The following DUSP12 variants were observed in gnomAD, a reference collection of about 807,000 sequenced individuals.
The protein encoded by DUSP12 is dual specificity phosphatase 12, also known as dual specificity protein phosphatase 12.
A neutral mutation model predicts 38.9 loss-of-function variants in DUSP12; 25 were observed. The observed-to-expected ratio is 0.64, with a 90% CI of 0.47 to 0.90. DUSP12 has a LOEUF of 0.90. DUSP12 is among the 40% of genes least tolerant of loss of function. The pLI is 0.00. For synonymous variants in DUSP12, 153 were observed against 153.9 expected, an observed-to-expected ratio of 0.99 and a Z score of 0.05; for missense variants, 403 against 427.0, an observed-to-expected ratio of 0.94 and a Z score of 0.50.
At chr1:161,756,683 T>C (rs1571103191) in intron 5 of DUSP12, 103 bp from the exon 6 acceptor site, 3 of 1,316,660 alleles carry the variant, frequency 2.3e-6, no homozygotes, top group South Asian at 3.0e-5. Flanking sequence ...AAACTCAACG[T>C]GGGGATCGTG....
In DUSP12 at chr1:161,751,914, A is replaced by G; in HGVS notation, c.507A>G (p.Gly169=). The change falls in exon 3 of 6, where the codon GGA becomes GGG. Residue 169 remains glycine (G), a synonymous_variant. Transcript: ENST00000367943. ...AACTGAAATTATACCAGGCAATGGG[A>G]TACGAAGTGGATACCTCTAGTGCAA... ...EWQLKLYQAM[G]YEVDTSSAIY... The G allele has an allele frequency of 6.2e-7, 1 of 1,613,686 alleles. No individual in the cohort carries two copies. The highest frequency in any genetic ancestry group is 8.5e-7 in the Non-Finnish European group (1 of 1,179,804).
intron 1 of DUSP12, 115 bp downstream of exon 1, chr1:161,750,260 T>G (rs1421572903): frequency 8.7e-7 from 1 of 1,146,360 alleles, no homozygotes; most frequent in Non-Finnish European, 1.2e-6. Context: ...CGCGTGAACC[T>G]CCTCCCGCTG....
intron 5 of DUSP12, among the ~76,000 whole-genome samples, chr1:161,754,319 G>A (rs772647361): frequency 5.3e-5 from 8 of 151,942 alleles, no homozygotes; most frequent in East Asian, 3.9e-4. Flanking sequence ...TCACATTTTC[G>A]GATAATGCTG....
intron 1 of DUSP12, 189 bp from the exon 2 acceptor site, chr1:161,751,479 G>A: frequency 1.5e-6 from 1 of 645,596 alleles, no homozygotes; most frequent in Non-Finnish European, 2.5e-6. Context: ...AGATTCACGT[G>A]GTTCAGAATT....
chr1:161,752,052 CCTTA>C (rs1684030907), intron 3 of DUSP12, 68 bp downstream of exon 3: 3 of 1,058,748 alleles, frequency 2.8e-6, no homozygotes, highest in African/African-American at 1.6e-5. Flanking sequence ...GTATGCTTTA[CCTTA>C]CTTCCAGCAA....
At position 161,753,135 on chromosome 1, in the gene DUSP12, CT is replaced by C. The variant is rs1303553218; in HGVS notation, c.738del (p.Phe246LeufsTer6). On this transcript the variant is annotated frameshift_variant, in exon 5 of 6. Coordinates refer to ENST00000367943, the MANE Select transcript of DUSP12 (RefSeq NM_007240.3). LOFTEE classifies it high-confidence loss of function. ...DHREGSGPIAFAHKRMTPSSM... is the reference protein window; with the variant it reads ...DHREGSGPIAXAHKRMTPSSM... ...ACCGTGAAGGAAGTGGACCTATAGC[CT>C]TTGCCCACAAGAGAATGACACCATC... The C allele has an allele frequency of 3.1e-6, 5 of 1,613,824 alleles. No individual in the cohort carries two copies. The highest frequency in any genetic ancestry group is 4.2e-6 in the Non-Finnish European group (5 of 1,179,938).
Position 161,757,173 on chromosome 1 carries a change from G to T in DUSP12, c.*226G>T. ...TCTTTTATAACCAGATACTGTCTGTGTTTCATATATTTTTAAAAGTTTTGA... is the reference window on the plus strand; with the variant it reads ...TCTTTTATAACCAGATACTGTCTGTTTTTCATATATTTTTAAAAGTTTTGA... On this transcript the variant is annotated 3_prime_UTR_variant, in exon 6 of 6. Transcript: ENST00000367943. 2.9e-6 allele frequency: 1 copy of T among 346,520 alleles called. No individual in the cohort carries two copies. The highest frequency in any genetic ancestry group is 2.1e-5 in the African/African-American group (1 of 48,530). The allele number at this position is 346,520 out of a possible 1,614,324, so 21.5% of individuals were successfully genotyped here.
Position 161,750,087 on chromosome 1 carries a change from C to G in DUSP12, c.286C>G (p.Arg96Gly), listed in dbSNP as rs1393528491. The G allele has an allele frequency of 6.2e-7, 1 of 1,613,936 alleles. No homozygotes were observed. The highest frequency in any genetic ancestry group is 8.5e-7 in the Non-Finnish European group (1 of 1,179,952). Residue 96 changes from arginine to glycine, a missense_variant, in exon 1 of 6, where the codon CGG becomes GGG. Transcript: ENST00000367943. ...GACGGACCTACTCAGCCATCTGGAC[C>G]GGTGCGTGGCCTTCATCGGTCAGGC... ...PETDLLSHLD[R>G]CVAFIGQARA... is the part of the protein sequence containing the mutation.
At chr1:161,754,219 A>G (rs1035601404) in intron 5 of DUSP12, among the ~76,000 whole-genome samples, 1 of 152,234 alleles carries the variant, frequency 6.6e-6, no homozygotes, top group African/African-American at 2.4e-5. Flanking sequence ...GCTTTATAAA[A>G]TAGGTAGAGC....
chr1:161,752,536 C>A, intron 4 of DUSP12, 72 bp downstream of exon 4: 1 of 1,026,712 alleles, frequency 9.7e-7, no homozygotes. Flanking sequence ...GTTTTATTTT[C>A]TTAAATTTCT....
At position 161,752,592 on chromosome 1, in the gene DUSP12, T is replaced by C; in HGVS notation, c.674+128T>C. ...TGAAATTTTTAGTTCAGATCTGTTT[T>C]CAGAAAGAATATAAATTCTTAAAAA... On this transcript the variant is annotated intron_variant, in intron 4 of 5. Transcript: ENST00000367943. 3 of 626,498 alleles carry C rather than the reference T, an allele frequency of 4.8e-6. No individual in the cohort carries two copies. In the South Asian group the frequency reaches 6.9e-5, roughly 15 times the overall value. 38.8% of individuals were successfully genotyped at this position (626,498 alleles called of 1,614,324 possible).
chr1:161,754,865 T>G (rs1684086442), intron 5 of DUSP12, among the ~76,000 whole-genome samples: 1 of 152,132 alleles, frequency 6.6e-6, no homozygotes, highest in South Asian at 2.1e-4. Context: ...AGTTTCACTC[T>G]TGTTGCCCAG....
At chr1:161,755,410 G>A (rs1167987115) in intron 5 of DUSP12, among the ~76,000 whole-genome samples, 2 of 152,048 alleles carry the variant, frequency 1.3e-5, no homozygotes, top group Non-Finnish European at 2.9e-5. Flanking sequence ...AAATATTAGT[G>A]ATATTCCAGG....
In DUSP12 at chr1:161,757,089, C is replaced by A; in HGVS notation, c.*142C>A. 1 of 770,236 alleles carries A rather than the reference C, an allele frequency of 1.3e-6. No homozygotes were observed. The highest frequency in any genetic ancestry group is 2.3e-5 in the South Asian group (1 of 43,306). The allele number at this position is 770,236 out of a possible 1,614,324, so 47.7% of individuals were successfully genotyped here. A position where few individuals can be genotyped will look rare whatever the true frequency, so the allele number is the denominator to read the frequency against. On this transcript the variant is annotated 3_prime_UTR_variant, in exon 6 of 6. Coordinates refer to ENST00000367943, the MANE Select transcript of DUSP12 (RefSeq NM_007240.3). Reference sequence around the variant, plus strand: ...AAAATCACTTGATGTAACCTGGAAACTATGCTTTACATGGCAATCAAAGCC... The same window carrying A: ...AAAATCACTTGATGTAACCTGGAAAATATGCTTTACATGGCAATCAAAGCC...
At position 161,750,036 on chromosome 1, in the gene DUSP12, T is replaced by A; in HGVS notation, c.235T>A (p.Phe79Ile). The change falls in exon 1 of 6, where the codon TTC becomes ATC. Residue 79 changes from phenylalanine (F) to isoleucine (I), a missense_variant. By Grantham distance (21) the Phe-to-Ile change is conservative (BLOSUM62 0). Coordinates refer to ENST00000367943, the MANE Select transcript of DUSP12 (RefSeq NM_007240.3). ...GPGVEDLWRL[F>I]VPALDKPETD... is the part of the protein sequence containing the mutation. ...TGGGGTCGAGGATCTATGGCGCCTC[T>A]TCGTGCCAGCGCTGGACAAACCCGA... The A allele has an allele frequency of 6.2e-7, 1 of 1,614,012 alleles. No individual in the cohort carries two copies. Among genetic ancestry groups the A allele is most frequent in the Non-Finnish European group, 8.5e-7 (1 of 1,179,980 alleles).
intron 4 of DUSP12, 23 bp downstream of exon 4, chr1:161,752,487 GAT>G (rs745399124): frequency 4.1e-6 from 6 of 1,465,020 alleles, no homozygotes; most frequent in Non-Finnish European, 4.7e-6. Flanking sequence ...ATATCCTTTG[GAT>G]ATTTTATCTT....
chr1:161,753,660 G>T (rs1426627387), intron 5 of DUSP12, among the ~76,000 whole-genome samples: 1 of 146,250 alleles, frequency 6.8e-6, no homozygotes, highest in Non-Finnish European at 1.6e-5. Flanking sequence ...AGGGTTTCGA[G>T]ACCAGCTTGG....
intron 4 of DUSP12, 123 bp from the exon 5 acceptor site, chr1:161,752,952 T>C: frequency 1.0e-6 from 1 of 981,916 alleles, no homozygotes; most frequent in South Asian, 1.8e-5. Context: ...ATCACGCCAC[T>C]GCACTCTAGC....
intron 5 of DUSP12, among the ~76,000 whole-genome samples, chr1:161,754,953 C>T (rs1163984823): frequency 2.0e-5 from 3 of 152,178 alleles, no homozygotes; most frequent in East Asian, 3.8e-4. Flanking sequence ...GCTTCAGCCT[C>T]CTGAGTAGCT....
Sources: allele counts gnomAD v4.1 joint callset (sites outside exome capture counted in the v4.1 genomes callset), GRCh38; gene constraint gnomAD v4.1.1; transcripts MANE v1.5; gene names NCBI Gene and HGNC (gene_info 2026-07-23, HGNC 2026-07-21).